The following THEMIS variants were observed in gnomAD, a reference collection of about 807,000 sequenced individuals.
THEMIS encodes the protein protein THEMIS.
Under a neutral mutation model 52.6 loss-of-function variants are expected in THEMIS, and 37 were observed. The ratio of observed to expected loss-of-function variants is 0.70; its 90% CI spans 0.54 to 0.93. The LOEUF is 0.93. Ranked by LOEUF, THEMIS falls within the 40% of genes least tolerant of loss-of-function variation. The probability of loss-of-function intolerance (pLI) is 0.00; values close to 1 mark genes in which losing one functional copy is unlikely to be tolerated. For synonymous variants in THEMIS, 292 were observed against 272.7 expected, an observed-to-expected ratio of 1.07 and a Z score of -0.70; for missense variants, 808 against 763.1, an observed-to-expected ratio of 1.06 and a Z score of -0.69.
At chr6:127,792,070 G>A (rs541828961) in intron 4 of THEMIS, among the ~76,000 whole-genome samples, 2 of 152,302 alleles carry the variant, frequency 1.3e-5, no homozygotes, top group East Asian at 3.9e-4. Flanking sequence ...TTGGAAGGGG[G>A]CATGGCTTCC....
chr6:127,891,160 A>C (rs1780793236), intron 1 of THEMIS, among the ~76,000 whole-genome samples: 6 of 152,098 alleles, frequency 3.9e-5, no homozygotes, highest in Admixed American at 3.9e-4. Flanking sequence ...ACATTTACCC[A>C]GTGGTTTAGG....
intron 4 of THEMIS, among the ~76,000 whole-genome samples, chr6:127,721,284 A>G (rs1774354419): frequency 6.6e-6 from 1 of 151,986 alleles, no homozygotes; most frequent in Non-Finnish European, 1.5e-5. Context: ...AATGAATGTG[A>G]TTTTGGTTGT....
At chr6:127,833,223 T>C (rs1320865705) in intron 2 of THEMIS, among the ~76,000 whole-genome samples, 4 of 152,200 alleles carry the variant, frequency 2.6e-5, no homozygotes, top group Admixed American at 2.0e-4. Flanking sequence ...TAAATGAATG[T>C]AGTCTTTCAA....
intron 2 of THEMIS, among the ~76,000 whole-genome samples, chr6:127,844,172 C>T (rs558332137): frequency 1.1e-4 from 16 of 152,096 alleles, no homozygotes; most frequent in East Asian, 3.9e-4. Context: ...GCAGACTCAG[C>T]GTAACCACTT....
At chr6:127,836,276 T>C (rs1044490662) in intron 2 of THEMIS, among the ~76,000 whole-genome samples, 2 of 152,154 alleles carry the variant, frequency 1.3e-5, no homozygotes, top group African/African-American at 4.8e-5. Flanking sequence ...GCCACCTGTT[T>C]ATGCTTATGA....
the THEMIS span, among the ~76,000 whole-genome samples, chr6:127,698,905 C>A: frequency 6.6e-6 from 1 of 151,804 alleles, no homozygotes; most frequent in African/African-American, 2.4e-5. Flanking sequence ...GTTAATTTTT[C>A]ACTTTTATCT....
intron 4 of THEMIS, among the ~76,000 whole-genome samples, chr6:127,746,976 T>C (rs1421316466): frequency 3.6e-5 from 3 of 83,054 alleles, no homozygotes; most frequent in South Asian, 3.6e-4. Context: ...ATAATTATAT[T>C]ATATATAATT....
chr6:127,818,904 G>A (rs1254174373), intron 3 of THEMIS, among the ~76,000 whole-genome samples: 2 of 151,864 alleles, frequency 1.3e-5, no homozygotes. Flanking sequence ...CAGATCACAA[G>A]GTCAGGAGAT....
At chr6:127,812,600 C>G (rs532953238) in intron 4 of THEMIS, among the ~76,000 whole-genome samples, 39 of 152,148 alleles carry the variant, frequency 2.6e-4, no homozygotes, top group Non-Finnish European at 5.3e-4. Context: ...ATAAAATATT[C>G]TTAATTACCA....
intron 2 of THEMIS, among the ~76,000 whole-genome samples, chr6:127,832,075 G>A (rs1562287091): frequency 6.6e-6 from 1 of 152,100 alleles, no homozygotes; most frequent in East Asian, 1.9e-4. Context: ...AAAAGGTAGA[G>A]ACACATAGTT....
In THEMIS at chr6:127,813,724, G is replaced by A. The variant is rs1562275093; in HGVS notation, c.917C>T (p.Thr306Ile). The change falls in exon 4 of 6, where the codon ACC becomes ATC. Residue 306 changes from threonine to isoleucine, a missense_variant. Transcript: ENST00000368248. ...LPQSILQPGK[T>I]IVIHKKYQAS... ...CTGGTACTTTTTGTGGATCACAATG[G>A]TTTTCCCAGGCTGTAAAATGCTTTG... 1 of 1,613,892 alleles carries A rather than the reference G, an allele frequency of 6.2e-7. No homozygotes were observed. Among genetic ancestry groups the A allele is most frequent in the Non-Finnish European group, 8.5e-7 (1 of 1,179,922 alleles).
intron 5 of THEMIS, among the ~76,000 whole-genome samples, chr6:127,713,094 G>A (rs138155278): frequency 6.6e-6 from 1 of 151,872 alleles, no homozygotes; most frequent in African/African-American, 2.4e-5. Context: ...ACTTGATTGT[G>A]GTTTCTTGGA....
chr6:127,863,353 A>G (rs1408212974), intron 1 of THEMIS, among the ~76,000 whole-genome samples: 1 of 152,096 alleles, frequency 6.6e-6, no homozygotes, highest in African/African-American at 2.4e-5. Flanking sequence ...TTATTTGAAC[A>G]TCTTCAGTGG....
chr6:127,783,643 C>A (rs955646509), intron 4 of THEMIS, among the ~76,000 whole-genome samples: 4 of 152,190 alleles, frequency 2.6e-5, no homozygotes, highest in Non-Finnish European at 5.9e-5. Flanking sequence ...AAAAGCTCAT[C>A]ATCAATGGTG....
In THEMIS at chr6:127,877,107, C is replaced by T. The variant is rs187078087; in HGVS notation, c.92-21919G>A. Among the ~76,000 whole-genome samples, 28 of 152,256 alleles carry T rather than the reference C, an allele frequency of 1.8e-4. No homozygotes were observed. The East Asian group carries it at 5.2e-3, about 28-fold the overall frequency. ...CCAATGTGTTGCTAAAAACTGCTAA[C>T]AATCCTCTGAGTCTTCAGAGAGTCA... On this transcript the variant is annotated intron_variant, in intron 1 of 5. Transcript: ENST00000368248.
intron 4 of THEMIS, among the ~76,000 whole-genome samples, chr6:127,774,462 C>T (rs376229579): frequency 1.3e-5 from 2 of 152,322 alleles, no homozygotes; most frequent in African/African-American, 2.4e-5. Context: ...GTCTCGGCCT[C>T]CCAAAGTGCT....
intron 2 of THEMIS, among the ~76,000 whole-genome samples, chr6:127,837,037 A>C (rs1778894518): frequency 1.3e-5 from 2 of 152,144 alleles, no homozygotes; most frequent in African/African-American, 4.8e-5. Flanking sequence ...TGATCACTTT[A>C]GACACTGAAG....
downstream of THEMIS, among the ~76,000 whole-genome samples, chr6:127,705,219 A>G (rs1298981539): frequency 7.9e-5 from 12 of 152,246 alleles, no homozygotes; most frequent in Non-Finnish European, 1.5e-5. Context: ...TGAAAATTTT[A>G]TATAGCAAAT....
At chr6:127,747,710 T>G (rs1243715722) in intron 4 of THEMIS, among the ~76,000 whole-genome samples, 1 of 152,000 alleles carries the variant, frequency 6.6e-6, no homozygotes, top group Non-Finnish European at 1.5e-5. Flanking sequence ...AGTGGGATAA[T>G]ATGTAATGTT....
Sources: gnomAD v4.1 joint callset for allele counts (sites outside exome capture counted in the v4.1 genomes callset) on GRCh38, gnomAD v4.1.1 for gene constraint, MANE v1.5 for transcripts, NCBI Gene and HGNC (gene_info 2026-07-23, HGNC 2026-07-21) for gene names.